Variants in ITGB6 observed in about 807,000 individuals in gnomAD.
ITGB6 encodes integrin beta-6.
Under a neutral mutation model 84.5 loss-of-function variants are expected in ITGB6, and 80 were observed. That is an observed-to-expected ratio of 0.95 (90% confidence interval 0.79 to 1.14). ITGB6 has a LOEUF of 1.14. ITGB6 is among the 50% of genes most tolerant of loss of function. The pLI, the probability that ITGB6 is intolerant of heterozygous loss-of-function variation, is 0.00. For missense variants in ITGB6, 1,006 were observed against 968.0 expected, an observed-to-expected ratio of 1.04 and a Z score of -0.52; for synonymous variants, 383 against 354.9, an observed-to-expected ratio of 1.08 and a Z score of -0.89.
chr2:160,149,459 A>T (rs886628622), intron 7 of ITGB6, among the ~76,000 whole-genome samples: 2 of 152,254 alleles, frequency 1.3e-5, no homozygotes, highest in Admixed American at 1.3e-4. Context: ...GGACACCAAC[A>T]TCAAAGACCA....
At chr2:160,198,425 G>T (rs770768960) in intron 2 of ITGB6, among the ~76,000 whole-genome samples, 1 of 152,186 alleles carries the variant, frequency 6.6e-6, no homozygotes, top group African/African-American at 2.4e-5. Context: ...GTATTCGTAT[G>T]ATTTGATTTA....
chr2:160,126,567 GCA>G lies in ITGB6; in HGVS notation c.1693_1694del (p.Cys565GlnfsTer21), dbSNP rs767262605. 2 of 1,613,804 alleles carry G rather than the reference GCA, an allele frequency of 1.2e-6. No individual in the cohort carries two copies. Among genetic ancestry groups the G allele is most frequent in the South Asian group, 1.1e-5 (1 of 91,058 alleles). On this transcript the variant is annotated frameshift_variant, in exon 11 of 15. Transcript: ENST00000283249. LOFTEE classifies it high-confidence loss of function. ...AGTACTCGCCAGTCCAGCCGCTCCT[GCA>G]CACACATTCACCACAGTCACAGTCG... ...NGDCDCGECVCRSGWTGEYCN... is the reference protein window; with the variant it reads ...NGDCDCGECVXRSGWTGEYCN...
intron 7 of ITGB6, among the ~76,000 whole-genome samples, chr2:160,162,977 C>T (rs1375463522): frequency 1.3e-5 from 2 of 152,134 alleles, no homozygotes; most frequent in African/African-American, 4.8e-5. Context: ...TCATCATAAA[C>T]CTATAGTCTT....
intron 4 of ITGB6, among the ~76,000 whole-genome samples, chr2:160,184,837 A>G (rs988199681): frequency 6.6e-6 from 1 of 152,236 alleles, no homozygotes; most frequent in African/African-American, 2.4e-5. Context: ...ACATAAATCA[A>G]TAAACATAAT....
chr2:160,107,199 C>A (rs1696944289), intron 14 of ITGB6, among the ~76,000 whole-genome samples: 1 of 152,040 alleles, frequency 6.6e-6, no homozygotes, highest in African/African-American at 2.4e-5. Flanking sequence ...TAAAAATCAT[C>A]TCAATTTTGC....
intron 3 of ITGB6, 72 bp downstream of exon 3, chr2:160,196,144 A>C: frequency 8.2e-7 from 1 of 1,216,220 alleles, no homozygotes; most frequent in Non-Finnish European, 1.2e-6. Flanking sequence ...ATGATACAAG[A>C]CACATTAGCA....
At chr2:160,189,241 A>AT (rs1686037812) in intron 4 of ITGB6, among the ~76,000 whole-genome samples, 1 of 152,258 alleles carries the variant, frequency 6.6e-6, no homozygotes, top group South Asian at 2.1e-4. Flanking sequence ...ACCTAAAACC[A>AT]TAAAAACTCT....
intron 4 of ITGB6, among the ~76,000 whole-genome samples, chr2:160,184,607 G>A (rs536942733): frequency 7.2e-5 from 11 of 152,120 alleles, no homozygotes; most frequent in South Asian, 2.1e-4. Context: ...GAAAAAGAGG[G>A]AATCCTCCCT....
Position 160,142,089 on chromosome 2 carries a change from G to A in ITGB6, c.1018-18C>T. On this transcript the variant is annotated intron_variant, in intron 7 of 14. Transcript: ENST00000283249. ...GCGTAATTCTGTAAACAGAAAAAGA[G>A]TAAGTCAATCTTTGTTTCCTCATGG... 6.7e-7 allele frequency: 1 copy of A among 1,485,610 alleles called. No individual in the cohort carries two copies. 92.0% of individuals were successfully genotyped at this position (1,485,610 alleles called of 1,614,324 possible).
intron 13 of ITGB6, among the ~76,000 whole-genome samples, 162 bp from the exon 14 acceptor site, chr2:160,108,007 A>G (rs1219216223): frequency 6.6e-6 from 1 of 152,244 alleles, no homozygotes; most frequent in African/African-American, 2.4e-5. Flanking sequence ...CTTGTTGAAG[A>G]ATAGCCCTGC....
intron 7 of ITGB6, among the ~76,000 whole-genome samples, chr2:160,153,681 C>T (rs567272297): frequency 4.1e-4 from 63 of 152,084 alleles, no homozygotes; most frequent in Non-Finnish European, 5.0e-4. Context: ...ATTTTTGCAA[C>T]CTACTCATCT....
At chr2:160,196,143 G>T in intron 3 of ITGB6, 73 bp downstream of exon 3, 1 of 1,212,710 alleles carries the variant, frequency 8.2e-7, no homozygotes, top group African/African-American at 1.5e-5. Flanking sequence ...TATGATACAA[G>T]ACACATTAGC....
intron 7 of ITGB6, among the ~76,000 whole-genome samples, chr2:160,152,943 C>T (rs1410271831): frequency 6.6e-6 from 1 of 152,034 alleles, no homozygotes; most frequent in Non-Finnish European, 1.5e-5. Context: ...AAAGAGGACA[C>T]AAACAAATGG....
chr2:160,151,941 T>A (rs560264041), intron 7 of ITGB6, among the ~76,000 whole-genome samples: 15 of 152,122 alleles, frequency 9.9e-5, no homozygotes, highest in Admixed American at 5.2e-4. Flanking sequence ...GCTCCAAAAT[T>A]GAGGCAATAA....
chr2:160,147,522 C>T (rs1477794149), intron 7 of ITGB6, among the ~76,000 whole-genome samples: 2 of 152,102 alleles, frequency 1.3e-5, no homozygotes, highest in Non-Finnish European at 2.9e-5. Flanking sequence ...CCAGAATAGC[C>T]AACTCAACAC....
intron 7 of ITGB6, among the ~76,000 whole-genome samples, chr2:160,151,381 T>G (rs970616438): frequency 2.0e-5 from 3 of 152,170 alleles, no homozygotes; most frequent in Non-Finnish European, 2.9e-5. Context: ...GAAATAAAGA[T>G]GTTCTTTGAA....
chr2:160,181,244 A>G (rs1412256316), intron 4 of ITGB6, among the ~76,000 whole-genome samples: 1 of 152,168 alleles, frequency 6.6e-6, no homozygotes, highest in Non-Finnish European at 1.5e-5. Flanking sequence ...ACTGGCTTGA[A>G]ATTCTCGCTG....
chr2:160,149,018 G>C (rs909726678), intron 7 of ITGB6, among the ~76,000 whole-genome samples: 1 of 152,210 alleles, frequency 6.6e-6, no homozygotes, highest in African/African-American at 2.4e-5. Context: ...CTGTAGGCAG[G>C]GCATAGCTGA....
intron 12 of ITGB6, 91 bp from the exon 13 acceptor site, chr2:160,112,290 T>A: frequency 2.4e-6 from 3 of 1,239,432 alleles, no homozygotes; most frequent in Non-Finnish European, 2.3e-6. Flanking sequence ...AATATGTAAA[T>A]TAGAGTTTTC....
Sources: gnomAD v4.1 joint callset for allele counts (sites outside exome capture counted in the v4.1 genomes callset) on GRCh38, gnomAD v4.1.1 for gene constraint, MANE v1.5 for transcripts, NCBI Gene and HGNC (gene_info 2026-07-23, HGNC 2026-07-21) for gene names.